The following SGCZ variants were observed in gnomAD, a reference collection of about 807,000 sequenced individuals.
The protein encoded by SGCZ is sarcoglycan zeta.
Under a neutral mutation model 41.3 loss-of-function variants are expected in SGCZ, and 40 were observed. That is an observed-to-expected ratio of 0.97 (90% CI 0.75 to 1.26). The LOEUF (loss-of-function observed/expected upper bound fraction) is 1.26, where lower values mean the gene tolerates loss of function less well. Ranked by LOEUF, SGCZ falls within the 50% of genes most tolerant of loss-of-function variation. The pLI, the probability that SGCZ is intolerant of heterozygous loss-of-function variation, is 0.00. For missense variants in SGCZ, 552 were observed against 369.8 expected (o/e 1.49, Z -4.04); for synonymous variants, 206 against 137.5 (o/e 1.50, Z -3.49).
chr8:15,001,586 G>A (rs576389626), intron 1 of SGCZ, among the ~76,000 whole-genome samples: 4 of 151,952 alleles, frequency 2.6e-5, no homozygotes, highest in East Asian at 1.9e-4. Flanking sequence ...AAAATAAGCC[G>A]GACATGTTGG....
chr8:15,041,524 A>G (rs1295462053), intron 1 of SGCZ, among the ~76,000 whole-genome samples: 2 of 152,076 alleles, frequency 1.3e-5, no homozygotes, highest in Non-Finnish European at 2.9e-5. Context: ...CAATTTCTTT[A>G]TATGGCTACA....
intron 1 of SGCZ, among the ~76,000 whole-genome samples, chr8:15,173,366 G>T (rs1193831529): frequency 6.6e-6 from 1 of 152,142 alleles, no homozygotes; most frequent in African/African-American, 2.4e-5. Context: ...TTAAGTCTCA[G>T]TTTTCTCATC....
chr8:14,860,964 A>C (rs981123923), intron 1 of SGCZ, among the ~76,000 whole-genome samples: 6 of 152,292 alleles, frequency 3.9e-5, no homozygotes, highest in Admixed American at 1.3e-4. Flanking sequence ...TGAGCAGATG[A>C]GCTTCATACA....
chr8:14,580,760 GCAC>G (rs1804861162), intron 1 of SGCZ, among the ~76,000 whole-genome samples: 1 of 152,150 alleles, frequency 6.6e-6, no homozygotes, highest in African/African-American at 2.4e-5. Flanking sequence ...GAACTGTTTA[GCAC>G]ATAGAAAGAA....
chr8:15,147,158 A>G (rs1799056425), intron 1 of SGCZ, among the ~76,000 whole-genome samples: 1 of 152,202 alleles, frequency 6.6e-6, no homozygotes, highest in South Asian at 2.1e-4. Context: ...CTGGTAGAAC[A>G]CTGGAAAACC....
At chr8:14,111,418 A>T (rs764661831) in intron 5 of SGCZ, among the ~76,000 whole-genome samples, 3 of 152,214 alleles carry the variant, frequency 2.0e-5, no homozygotes, top group Non-Finnish European at 2.9e-5. Flanking sequence ...ATGAATTCTC[A>T]TATCACAGGC....
chr8:15,013,347 A>G (rs544287445), intron 1 of SGCZ, among the ~76,000 whole-genome samples: 3 of 152,324 alleles, frequency 2.0e-5, no homozygotes, highest in East Asian at 3.9e-4. Context: ...GTTGTTATGG[A>G]TGGAAAGGAC....
chr8:14,907,016 C>A (rs1799136830), intron 1 of SGCZ, among the ~76,000 whole-genome samples: 1 of 152,128 alleles, frequency 6.6e-6, no homozygotes, highest in Admixed American at 6.5e-5. Flanking sequence ...ATAAACAACT[C>A]AAAATGTTAC....
chr8:15,159,618 A>T (rs781484756), intron 1 of SGCZ, among the ~76,000 whole-genome samples: 3 of 152,054 alleles, frequency 2.0e-5, no homozygotes, highest in Non-Finnish European at 4.4e-5. Flanking sequence ...CCTCTCCCAT[A>T]TATTTCATCA....
At chr8:14,545,427 T>C (rs1803596685) in intron 2 of SGCZ, among the ~76,000 whole-genome samples, 1 of 148,162 alleles carries the variant, frequency 6.7e-6, no homozygotes, top group African/African-American at 2.5e-5. Context: ...TTTTTTTTTT[T>C]ACAAAATAGC....
intron 1 of SGCZ, among the ~76,000 whole-genome samples, chr8:14,721,052 G>T (rs894373524): frequency 6.6e-6 from 1 of 151,952 alleles, no homozygotes; most frequent in South Asian, 2.1e-4. Context: ...TTTTTCACTT[G>T]CTTTCCAGGG....
chr8:14,857,274 C>G (rs1241297746), intron 1 of SGCZ, among the ~76,000 whole-genome samples: 2 of 152,118 alleles, frequency 1.3e-5, no homozygotes, highest in African/African-American at 4.8e-5. Flanking sequence ...AGTACTGAAC[C>G]TCACTTAAAC....
Position 14,444,115 on chromosome 8 carries a change from C to T in SGCZ, c.234+110617G>A, listed in dbSNP as rs187339474. Among the ~76,000 whole-genome samples, 759 of 152,240 alleles carry T rather than the reference C, an allele frequency of 5.0e-3. 8 individuals carry two copies. The highest frequency in any genetic ancestry group is 0.011 in the African/African-American group (464 of 41,534). ...TGCAAATCAAAACCACAATGAGATA[C>T]CATCTCACACTAGTTAGAATGGCGA... On this transcript the variant is annotated intron_variant, in intron 2 of 7. Transcript: ENST00000382080.
At chr8:14,437,230 A>G (rs1800118941) in intron 2 of SGCZ, among the ~76,000 whole-genome samples, 1 of 152,198 alleles carries the variant, frequency 6.6e-6, no homozygotes, top group Non-Finnish European at 1.5e-5. Context: ...AAAGCAAGAC[A>G]GACCAACGGA....
intron 2 of SGCZ, among the ~76,000 whole-genome samples, chr8:14,417,539 G>C (rs1282596652): frequency 6.6e-6 from 1 of 151,754 alleles, no homozygotes; most frequent in Admixed American, 6.6e-5. Flanking sequence ...TCCATGAACT[G>C]TAATCATTAT....
chr8:14,245,417 T>G (rs1481655072), intron 3 of SGCZ, among the ~76,000 whole-genome samples: 1 of 152,188 alleles, frequency 6.6e-6, no homozygotes, highest in African/African-American at 2.4e-5. Flanking sequence ...ACTGCATCCC[T>G]TCCTTACACC....
intron 1 of SGCZ, among the ~76,000 whole-genome samples, chr8:14,601,508 C>G (rs1371974620): frequency 6.6e-6 from 1 of 151,846 alleles, no homozygotes; most frequent in Non-Finnish European, 1.5e-5. Flanking sequence ...TAAAGTTGAT[C>G]TTTTGGACAA....
intron 1 of SGCZ, among the ~76,000 whole-genome samples, chr8:15,005,321 TC>T (rs1563429410): frequency 5.6e-5 from 3 of 53,538 alleles, no homozygotes; most frequent in African/African-American, 1.3e-4. Flanking sequence ...CCCGTTTTTT[TC>T]TTTTTCTTTT....
intron 4 of SGCZ, among the ~76,000 whole-genome samples, chr8:14,197,097 A>C (rs1805289245): frequency 6.6e-6 from 1 of 152,206 alleles, no homozygotes; most frequent in Admixed American, 6.5e-5. Flanking sequence ...GAACATGTTT[A>C]ATATCATGTA....
Sources: gnomAD v4.1 joint callset for allele counts (sites outside exome capture counted in the v4.1 genomes callset) on GRCh38, gnomAD v4.1.1 for gene constraint, MANE v1.5 for transcripts, NCBI Gene and HGNC (gene_info 2026-07-23, HGNC 2026-07-21) for gene names.